The following ADAMTS20 variants were observed in gnomAD, a reference collection of about 807,000 sequenced individuals.
ADAMTS20 encodes ADAM metallopeptidase with thrombospondin type 1 motif 20.
A neutral mutation model predicts 260.1 loss-of-function variants in ADAMTS20; 225 were observed. That is an observed-to-expected ratio of 0.87 (90% CI 0.78 to 0.97). The LOEUF is 0.97. ADAMTS20 is among the 50% of genes least tolerant of loss of function. The pLI, the probability that ADAMTS20 is intolerant of heterozygous loss-of-function variation, is 0.00. For synonymous variants in ADAMTS20, 802 were observed against 769.5 expected (o/e 1.04, Z -0.70); for missense variants, 2,400 against 2,337.7 (o/e 1.03, Z -0.55).
chr12:43,385,368 A>G (rs578083819), intron 29 of ADAMTS20, among the ~76,000 whole-genome samples: 1 of 152,282 alleles, frequency 6.6e-6, no homozygotes, highest in South Asian at 2.1e-4. Context: ...ACATGGATAG[A>G]TTGCAAAAAT....
chr12:43,443,424 A>C (rs1015244843), intron 16 of ADAMTS20, among the ~76,000 whole-genome samples: 2 of 152,122 alleles, frequency 1.3e-5, no homozygotes, highest in Non-Finnish European at 2.9e-5. Flanking sequence ...GTAAAAAAAA[A>C]TTAAGAAAAT....
At chr12:43,378,426 C>T (rs1187232755) in intron 31 of ADAMTS20, among the ~76,000 whole-genome samples, 1 of 152,186 alleles carries the variant, frequency 6.6e-6, no homozygotes, top group African/African-American at 2.4e-5. Context: ...AGTGCCTATT[C>T]CCTCCAGCTA....
At chr12:43,542,641 T>C (rs911657421) in intron 2 of ADAMTS20, among the ~76,000 whole-genome samples, 5 of 152,326 alleles carry the variant, frequency 3.3e-5, no homozygotes, top group African/African-American at 1.2e-4. Flanking sequence ...AATTCAAAAT[T>C]TAGTTTTTCC....
chr12:43,361,819 C>T (rs1939873934), intron 37 of ADAMTS20, among the ~76,000 whole-genome samples: 1 of 152,042 alleles, frequency 6.6e-6, no homozygotes, highest in Admixed American at 6.6e-5. Context: ...AAGGTATTTC[C>T]TATAAGAAAA....
chr12:43,511,587 T>C (rs1368132988), intron 3 of ADAMTS20, among the ~76,000 whole-genome samples: 3 of 152,064 alleles, frequency 2.0e-5, no homozygotes, highest in Non-Finnish European at 4.4e-5. Context: ...AAAGAATATA[T>C]TGAAGAGCAA....
At position 43,551,138 on chromosome 12, in the gene ADAMTS20, G is replaced by A. The variant is rs776875165; in HGVS notation, c.224C>T (p.Pro75Leu). 1.9e-6 allele frequency: 3 copies of A among 1,613,822 alleles called. No homozygotes were observed. Among genetic ancestry groups the A allele is most frequent in the Non-Finnish European group, 1.7e-6 (2 of 1,179,894 alleles). Reference sequence around the variant, plus strand: ...AGTGAAGCGATAGTGGGTTCGGAACGGCATGGGTTCCAGCGCCTCGGAGCT... The same window carrying A: ...AGTGAAGCGATAGTGGGTTCGGAACAGCATGGGTTCCAGCGCCTCGGAGCT... ...KRSSEALEPM[P>L]FRTHYRFTAY... The change falls in exon 2 of 39, where the codon CCG becomes CTG. Residue 75 changes from proline to leucine, a missense_variant. Coordinates refer to ENST00000389420, the MANE Select transcript of ADAMTS20 (RefSeq NM_025003.5). This position sits in a 1 kb window ranked among gnomAD's most constrained non-coding sequence, Gnocchi z 4.6.
Position 43,354,204 on chromosome 12 carries a change from A to C in ADAMTS20, c.*5T>G, listed in dbSNP as rs1939694917. 1 of 1,568,336 alleles carries C rather than the reference A, an allele frequency of 6.4e-7. No homozygotes were observed. Among genetic ancestry groups the C allele is most frequent in the South Asian group, 1.2e-5 (1 of 85,674 alleles). ...CTTTAGGGCATACTTCCCCCTTCTA[A>C]ATGTTCATATGACTTGAATTGGGAG... On this transcript the variant is annotated 3_prime_UTR_variant, in exon 39 of 39. Transcript: ENST00000389420.
chr12:43,493,945 T>C (rs965552952), intron 4 of ADAMTS20, among the ~76,000 whole-genome samples: 5 of 152,226 alleles, frequency 3.3e-5, no homozygotes, highest in African/African-American at 1.2e-4. Flanking sequence ...TTAGGCACTC[T>C]GAATGGGCTC....
chr12:43,398,471 GCTAT>G (rs1940747320), intron 29 of ADAMTS20, among the ~76,000 whole-genome samples: 1 of 151,984 alleles, frequency 6.6e-6, no homozygotes. Context: ...CGCAGCCTAG[GCTAT>G]CTATCTCTGA....
intron 29 of ADAMTS20, among the ~76,000 whole-genome samples, chr12:43,386,777 C>T (rs1315924363): frequency 6.6e-6 from 1 of 152,314 alleles, no homozygotes; most frequent in South Asian, 2.1e-4. Context: ...TTCATTGATT[C>T]AGCTATTGAT....
At chr12:43,466,847 T>G in intron 8 of ADAMTS20, 52 bp from the exon 9 acceptor site, 1 of 1,320,624 alleles carries the variant, frequency 7.6e-7, no homozygotes, top group Non-Finnish European at 1.1e-6. Flanking sequence ...GCTTACGATA[T>G]TAGTAATAGA....
At chr12:43,406,001 G>A (rs1238229256) in intron 28 of ADAMTS20, among the ~76,000 whole-genome samples, 1 of 152,096 alleles carries the variant, frequency 6.6e-6, no homozygotes, top group Non-Finnish European at 1.5e-5. Flanking sequence ...CAACCTTTTC[G>A]TTTAAGTAAA....
At chr12:43,435,533 G>C (rs1237064972) in intron 18 of ADAMTS20, among the ~76,000 whole-genome samples, 1 of 151,434 alleles carries the variant, frequency 6.6e-6, no homozygotes, top group African/African-American at 2.4e-5. Flanking sequence ...CAGCTACTCG[G>C]GAGGCTGAGA....
chr12:43,482,200 T>G (rs2137414642), intron 7 of ADAMTS20, among the ~76,000 whole-genome samples: 1 of 152,292 alleles, frequency 6.6e-6, no homozygotes, highest in Non-Finnish European at 1.5e-5. Flanking sequence ...GGTCACAGGT[T>G]GAGAGAAGCT....
chr12:43,432,368 C>T lies in ADAMTS20; in HGVS notation c.3032G>A (p.Arg1011Gln), dbSNP rs137911452. 5.6e-5 allele frequency: 90 copies of T among 1,613,604 alleles called. No homozygotes were observed. The highest frequency in any genetic ancestry group is 1.6e-5 in the Non-Finnish European group (19 of 1,179,844). ...LADNECQELS[R>Q]VTRENCNEFS... ...TTCATTGCAATTCTCTCTCGTCACT[C>T]GGGACAGTTCTTGGCATTCATTGTC... is the stretch of plus-strand genomic sequence containing the variant. Residue 1011 changes from arginine to glutamine, a missense_variant, in exon 21 of 39, where the codon CGA becomes CAA. Arg to Gln is a conservative substitution (Grantham distance 43, BLOSUM62 1). Coordinates refer to ENST00000389420, the MANE Select transcript of ADAMTS20 (RefSeq NM_025003.5).
chr12:43,405,229 CAAA>C lies in ADAMTS20; in HGVS notation c.4285-5999_4285-5997del, dbSNP rs869040570. On this transcript the variant is annotated intron_variant, in intron 28 of 38. Coordinates refer to ENST00000389420, the MANE Select transcript of ADAMTS20 (RefSeq NM_025003.5). ...GTAACAAAATGAGACCTCATCTCTACAAAAAAAAAAAAAAAAAAAAAAAAAAAA... is the reference window on the plus strand; with the variant it reads ...GTAACAAAATGAGACCTCATCTCTACAAAAAAAAAAAAAAAAAAAAAAAAA... Among the ~76,000 whole-genome samples the C allele has an allele frequency of 1.3e-3, 66 of 52,772 alleles. 2 individuals are homozygous for C. The highest frequency in any genetic ancestry group is 0.021 in the Middle Eastern group (1 of 48). The allele number at this position is 52,772 out of a possible 152,430, so 34.6% of individuals were successfully genotyped here. A position where few individuals can be genotyped will look rare whatever the true frequency, so the allele number is the denominator to read the frequency against.
intron 8 of ADAMTS20, among the ~76,000 whole-genome samples, chr12:43,467,776 T>A (rs1017217618): frequency 3.3e-5 from 5 of 152,132 alleles, no homozygotes; most frequent in Non-Finnish European, 7.4e-5. Context: ...ACTGAAGAGA[T>A]GATCGTTTAC....
rs372136438 is a variant in ADAMTS20 at position 43,429,637 on chromosome 12, G to C, written c.3469C>G (p.Arg1157Gly). ...TVLIKKMAQW[R>G]HGSWTPCSVS... is the part of the protein sequence containing the mutation. ...CTTACTGGGGTCCAAGAACCATGTC[G>C]CCATTGTGCCATCTTTTTTATGAGA... is the stretch of plus-strand genomic sequence containing the variant. The change falls in exon 24 of 39, where the codon CGA (arginine) becomes GGA (glycine). Residue 1157 changes from arginine to glycine, a missense_variant. Arg to Gly is a moderately radical substitution (Grantham distance 125, BLOSUM62 -2). Coordinates refer to ENST00000389420, the MANE Select transcript of ADAMTS20 (RefSeq NM_025003.5). 6.3e-7 allele frequency: 1 copy of C among 1,595,640 alleles called. No individual in the cohort carries two copies. Among genetic ancestry groups the C allele is most frequent in the African/African-American group, 1.3e-5 (1 of 74,696 alleles).
At chr12:43,434,507 AC>A in intron 18 of ADAMTS20, 136 bp from the exon 19 acceptor site, 1 of 724,640 alleles carries the variant, frequency 1.4e-6, no homozygotes, top group Non-Finnish European at 2.1e-6. Flanking sequence ...TACAGGATAT[AC>A]TAGTATATTA....
Sources: gnomAD v4.1 joint callset for allele counts (sites outside exome capture counted in the v4.1 genomes callset) on GRCh38, gnomAD v4.1.1 for gene constraint, Gnocchi (gnomAD v3.1) non-coding constraint, MANE v1.5 for transcripts, NCBI Gene and HGNC (gene_info 2026-07-23, HGNC 2026-07-21) for gene names.